The following HERC5 variants were observed in gnomAD, a reference collection of about 807,000 sequenced individuals.
The protein encoded by HERC5 is E3 ISG15--protein ligase HERC5.
In HERC5, 99 loss-of-function variants were observed where a neutral mutation model predicts 119.6. The observed-to-expected ratio is 0.83, with a 90% CI of 0.70 to 0.98. The LOEUF is 0.98. Among genes scored for constraint, HERC5 ranks in the 50% least tolerant of loss-of-function variants. The pLI, the probability that HERC5 is intolerant of heterozygous loss-of-function variation, is 0.00. For synonymous variants in HERC5, 478 were observed against 445.9 expected, an observed-to-expected ratio of 1.07 and a Z score of -0.91; for missense variants, 1,267 against 1,241.3, an observed-to-expected ratio of 1.02 and a Z score of -0.31.
At chr4:88,464,595 GT>G (rs1452200231) in intron 6 of HERC5, among the ~76,000 whole-genome samples, 27 of 144,982 alleles carry the variant, frequency 1.9e-4, no homozygotes, top group Admixed American at 2.8e-4. Flanking sequence ...TTGGTTTTTG[GT>G]TTTTTTTTTT....
Position 88,505,805 on chromosome 4 carries a change from CTAAA to C in HERC5, c.3005_3008del (p.Lys1002IlefsTer58). 1 of 1,613,792 alleles carries C rather than the reference CTAAA, an allele frequency of 6.2e-7. No individual in the cohort carries two copies. The highest frequency in any genetic ancestry group is 1.1e-5 in the South Asian group (1 of 91,044). On this transcript the variant is annotated frameshift_variant, in exon 23 of 23. Coordinates refer to ENST00000264350, the MANE Select transcript of HERC5 (RefSeq NM_016323.4). LOFTEE classifies it high-confidence loss of function. ...ACATGTTTCAGTGTCCTCTTCCTCC[CTAAA>C]TATTCTACAATGGAAACAGTTGAAG...
rs1294429131 is a variant in HERC5 at position 88,478,704 on chromosome 4, C to T, written c.1583-649C>T. 2.0e-5 allele frequency among the ~76,000 whole-genome samples: 3 copies of T among 152,088 alleles called. No homozygotes were observed. The East Asian group carries it at 5.8e-4, about 29-fold the overall frequency. ...TCAGCTCACTGCAGCCTCCACCTCC[C>T]AGTCTCAAGCGGTTCTCCCACCTCA... is the stretch of plus-strand genomic sequence containing the variant. On this transcript the variant is annotated intron_variant, in intron 12 of 22. Transcript: ENST00000264350.
At chr4:88,478,658 T>C (rs923294724) in intron 12 of HERC5, among the ~76,000 whole-genome samples, 1 of 152,042 alleles carries the variant, frequency 6.6e-6, no homozygotes, top group Admixed American at 6.6e-5. Context: ...GTCACCCAGG[T>C]TGGAGTGCTC....
In HERC5 at chr4:88,459,466, C is replaced by T; in HGVS notation, c.385C>T (p.Leu129=). The T allele has an allele frequency of 6.5e-7, 1 of 1,534,942 alleles. No individual in the cohort carries two copies. The highest frequency in any genetic ancestry group is 1.3e-5 in the South Asian group (1 of 78,462). ...FEYDNYSMKH[L]RFESILQEKK... ...GTATGACAACTATAGCATGAAACATCTAAGGTAGGGAACTTTTTTCTTTTA... is the reference window on the plus strand; with the variant it reads ...GTATGACAACTATAGCATGAAACATTTAAGGTAGGGAACTTTTTTCTTTTA... The change falls in exon 2 of 23, where the codon CTA becomes TTA. Residue 129 remains leucine, a synonymous_variant. Transcript: ENST00000264350.
chr4:88,458,603 G>A (rs747704644), intron 1 of HERC5, among the ~76,000 whole-genome samples: 1 of 151,922 alleles, frequency 6.6e-6, no homozygotes, highest in Non-Finnish European at 1.5e-5. Flanking sequence ...TTACCAAACT[G>A]TTTTGGTTCC....
At chr4:88,470,568 G>A (rs1171082873) in intron 9 of HERC5, 46 bp from the exon 10 acceptor site, 8 of 944,880 alleles carry the variant, frequency 8.5e-6, no homozygotes, top group Non-Finnish European at 1.4e-5. Flanking sequence ...CTGTATGTAT[G>A]TATACCATGT....
Position 88,457,361 on chromosome 4 carries a change from C to G in HERC5, c.92C>G (p.Ala31Gly). Residue 31 changes from alanine (A) to glycine (G), a missense_variant, in exon 1 of 23, where the codon GCA becomes GGA. Ala to Gly is a moderately conservative substitution (Grantham distance 60). Coordinates refer to ENST00000264350, the MANE Select transcript of HERC5 (RefSeq NM_016323.4). The stretch of plus-strand genomic sequence containing the variant: ...ACCCAGCCCGCGAAGTCTCCGGGCG[C>G]ACAGCTCTGGCTCTTTCCCAGCGCC... ...AATQPAKSPG[A>G]QLWLFPSAAG... The G allele has an allele frequency of 7.0e-7, 1 of 1,431,462 alleles. No homozygotes were observed. Among genetic ancestry groups the G allele is most frequent in the Non-Finnish European group, 9.1e-7 (1 of 1,094,648 alleles). The allele number at this position is 1,431,462 out of a possible 1,614,324, so 88.7% of individuals were successfully genotyped here.
At chr4:88,480,021 C>T (rs1025796145) in intron 13 of HERC5, among the ~76,000 whole-genome samples, 7 of 148,710 alleles carry the variant, frequency 4.7e-5, no homozygotes, top group Admixed American at 1.3e-4. Context: ...GAGCAGAGAT[C>T]GCGCCATTGC....
At chr4:88,464,269 TA>T (rs764886834) in intron 6 of HERC5, among the ~76,000 whole-genome samples, 2 of 151,560 alleles carry the variant, frequency 1.3e-5, no homozygotes, top group African/African-American at 4.8e-5. Flanking sequence ...ACTTTTGTCT[TA>T]AAAAAACAAG....
intron 11 of HERC5, 112 bp from the exon 12 acceptor site, chr4:88,475,729 C>T: frequency 1.1e-6 from 1 of 881,834 alleles, no homozygotes; most frequent in Non-Finnish European, 1.8e-6. Context: ...TGATTATTCT[C>T]ATTTAGTAGT....
At chr4:88,462,424 C>T (rs1740477040) in intron 4 of HERC5, 68 bp downstream of exon 4, 11 of 1,320,362 alleles carry the variant, frequency 8.3e-6, no homozygotes, top group Non-Finnish European at 1.2e-5. Context: ...AATGGACCTC[C>T]CTGTCAAAAA....
chr4:88,462,396 T>C (rs993027107), intron 4 of HERC5, 40 bp downstream of exon 4: 6 of 1,527,552 alleles, frequency 3.9e-6, no homozygotes, highest in Admixed American at 1.7e-5. Flanking sequence ...CCAACAGATA[T>C]ACTTGTTAGA....
chr4:88,479,698 GAA>G (rs1741210076), intron 13 of HERC5, among the ~76,000 whole-genome samples, 191 bp downstream of exon 13: 1 of 151,670 alleles, frequency 6.6e-6, no homozygotes, highest in Non-Finnish European at 1.5e-5. Flanking sequence ...AGAATTCAAG[GAA>G]AAATAATAAA....
intron 1 of HERC5, 151 bp downstream of exon 1, chr4:88,457,685 G>T: frequency 1.1e-6 from 1 of 911,420 alleles, no homozygotes. Context: ...CGCCGACGGC[G>T]CACCTGAGCT....
At chr4:88,464,260 CT>C (rs1740565427) in intron 6 of HERC5, among the ~76,000 whole-genome samples, 1 of 141,722 alleles carries the variant, frequency 7.1e-6, no homozygotes, top group East Asian at 2.1e-4. Flanking sequence ...TTCAGGTGCA[CT>C]TTTGTCTTAA....
Position 88,499,941 on chromosome 4 carries a change from T to G in HERC5, c.2460T>G (p.Leu820=). The change falls in exon 19 of 23, where the codon CTT becomes CTG. Residue 820 remains leucine (L), a synonymous_variant. Coordinates refer to ENST00000264350, the MANE Select transcript of HERC5 (RefSeq NM_016323.4). Reference sequence around the variant, plus strand: ...TTTTCCTTAGGAATTTGCAAACACTTCTGGATGATGAAGGTGATAACTTTG... The same window carrying G: ...TTTTCCTTAGGAATTTGCAAACACTGCTGGATGATGAAGGTGATAACTTTG... ...SPDLGKNLQT[L]LDDEGDNFEE... 4.4e-6 allele frequency: 7 copies of G among 1,608,276 alleles called. No individual in the cohort carries two copies. The highest frequency in any genetic ancestry group is 6.0e-6 in the Non-Finnish European group (7 of 1,175,104).
At position 88,489,205 on chromosome 4, in the gene HERC5, G is replaced by T; in HGVS notation, c.2002G>T (p.Glu668Ter). 6.2e-7 allele frequency: 1 copy of T among 1,613,468 alleles called. No individual in the cohort carries two copies. The highest frequency in any genetic ancestry group is 8.5e-7 in the Non-Finnish European group (1 of 1,179,782). The change falls in exon 16 of 23, where the codon GAG becomes TAG. Residue 668 changes from glutamate (E) to a stop codon, truncating the protein, a stop_gained. Coordinates refer to ENST00000264350, the MANE Select transcript of HERC5 (RefSeq NM_016323.4). LOFTEE classifies it high-confidence loss of function. The part of the protein sequence containing the change: ...HKAYLRSAAI[E>*]EERESEFALR... ...AGCTTATCTTAGGTCGGCAGCAATT[G>T]AGGAAGAAAGAGAGTCTGAATTCGC... is the stretch of plus-strand genomic sequence containing the variant.
chr4:88,489,385 CAT>C (rs754833853), intron 16 of HERC5, 49 bp downstream of exon 16: 8 of 1,506,048 alleles, frequency 5.3e-6, no homozygotes, highest in South Asian at 1.3e-5. Flanking sequence ...AAAAGAAAAA[CAT>C]AAAAGAATGT....
Position 88,470,682 on chromosome 4 carries a change from T to C in HERC5, c.1298+9T>C. ...AGTTTTTTAAGGAAAAGGTAATATA[T>C]GTAATAAATTAATTGTATTAAATTG... On this transcript the variant is annotated intron_variant, in intron 10 of 22. Coordinates refer to ENST00000264350, the MANE Select transcript of HERC5 (RefSeq NM_016323.4). 1.6e-6 allele frequency: 2 copies of C among 1,215,044 alleles called. No individual in the cohort carries two copies. Among genetic ancestry groups the C allele is most frequent in the Non-Finnish European group, 2.4e-6 (2 of 829,222 alleles). 75.3% of individuals were successfully genotyped at this position (1,215,044 alleles called of 1,614,324 possible).
Sources: allele counts gnomAD v4.1 joint callset (sites outside exome capture counted in the v4.1 genomes callset), GRCh38; gene constraint gnomAD v4.1.1; transcripts MANE v1.5; gene names NCBI Gene and HGNC (gene_info 2026-07-23, HGNC 2026-07-21).